Variants in MGAT5 observed in about 807,000 individuals in gnomAD.
MGAT5 encodes alpha-1,6-mannosylglycoprotein 6-beta-N-acetylglucosaminyltransferase, also known as alpha-1,6-mannosylglycoprotein 6-beta-N-acetylglucosaminyltransferase A.
A neutral mutation model predicts 94.3 loss-of-function variants in MGAT5; 30 were observed. The observed-to-expected ratio is 0.32, with a 90% CI of 0.24 to 0.43. The LOEUF is 0.43. Ranked by LOEUF, MGAT5 falls within the 20% of genes least tolerant of loss-of-function variation. MGAT5 has a pLI of 1.00. For missense variants in MGAT5, 691 were observed against 905.5 expected, an observed-to-expected ratio of 0.76 and a Z score of 3.04; for synonymous variants, 310 against 322.9, an observed-to-expected ratio of 0.96 and a Z score of 0.43.
At chr2:134,303,847 A>G (rs1010650417) in intron 2 of MGAT5, among the ~76,000 whole-genome samples, 5 of 152,162 alleles carry the variant, frequency 3.3e-5, no homozygotes, top group African/African-American at 4.8e-5. Context: ...AGCCAGTGAG[A>G]CTGTAGCCTT....
intron 1 of MGAT5, among the ~76,000 whole-genome samples, chr2:134,230,418 G>C (rs559386676): frequency 5.3e-5 from 8 of 152,314 alleles, no homozygotes; most frequent in Non-Finnish European, 2.9e-5. Context: ...ATTACAGCTA[G>C]ATAGGTGAAA....
intron 1 of MGAT5, among the ~76,000 whole-genome samples, chr2:134,146,177 A>T (rs1686909948): frequency 6.6e-6 from 1 of 152,190 alleles, no homozygotes; most frequent in Admixed American, 6.5e-5. Flanking sequence ...GAGACAAAAA[A>T]TTTAAGAAAT....
At chr2:134,202,881 GA>G (rs1004744991) in intron 1 of MGAT5, among the ~76,000 whole-genome samples, 1 of 150,398 alleles carries the variant, frequency 6.6e-6, no homozygotes, top group South Asian at 2.1e-4. Flanking sequence ...AATGTAAAAG[GA>G]AAAAAAAAGG....
At chr2:134,209,152 A>ATTTTTTTTTTTTTTTTTTTTTTTTT (rs869116395) in intron 1 of MGAT5, among the ~76,000 whole-genome samples, 3 of 20,770 alleles carry the variant, frequency 1.4e-4, no homozygotes, top group Non-Finnish European at 1.9e-4. Flanking sequence ...TTTTTTTTTT[A>ATTTTTTTTTTTTTTTTTTTTTTTTT]TTTTTTTTTT....
At chr2:134,198,732 A>C (rs906218937) in intron 1 of MGAT5, among the ~76,000 whole-genome samples, 3 of 152,176 alleles carry the variant, frequency 2.0e-5, no homozygotes, top group Non-Finnish European at 4.4e-5. Flanking sequence ...CTTTTAAGCA[A>C]ACACCTTCTC....
chr2:134,290,848 G>C (rs1573717303), intron 2 of MGAT5, among the ~76,000 whole-genome samples: 1 of 152,316 alleles, frequency 6.6e-6, no homozygotes, highest in African/African-American at 2.4e-5. Flanking sequence ...AATTCTCTCA[G>C]ATGAGCCATG....
At chr2:134,365,204 C>A (rs568613515) in intron 10 of MGAT5, among the ~76,000 whole-genome samples, 2 of 152,260 alleles carry the variant, frequency 1.3e-5, no homozygotes, top group African/African-American at 4.8e-5. Flanking sequence ...TCTGAAGATT[C>A]CTGCTGTGCC....
intron 2 of MGAT5, among the ~76,000 whole-genome samples, chr2:134,277,306 C>T (rs1684438473): frequency 6.6e-6 from 1 of 152,094 alleles, no homozygotes; most frequent in East Asian, 1.9e-4. Context: ...TATAAAGATA[C>T]TACCTGAGAC....
At chr2:134,213,954 C>T (rs1420930110) in intron 1 of MGAT5, among the ~76,000 whole-genome samples, 1 of 152,144 alleles carries the variant, frequency 6.6e-6, no homozygotes. Context: ...CTTCCCTCCC[C>T]AGAGATTTTA....
chr2:134,418,790 G>T (rs1024739744), intron 12 of MGAT5, among the ~76,000 whole-genome samples: 6 of 152,160 alleles, frequency 3.9e-5, no homozygotes, highest in Admixed American at 1.3e-4. Context: ...GACAAGTCGG[G>T]GATACCCCAA....
intron 1 of MGAT5, among the ~76,000 whole-genome samples, chr2:134,145,214 C>CTGTGTG (rs59065013): frequency 2.5e-4 from 36 of 143,868 alleles, no homozygotes; most frequent in African/African-American, 7.5e-4. Flanking sequence ...GTCTCTCTCT[C>CTGTGTG]TGTGTGTGTG....
At chr2:134,314,723 G>A (rs909014346) in intron 2 of MGAT5, among the ~76,000 whole-genome samples, 1 of 152,168 alleles carries the variant, frequency 6.6e-6, no homozygotes, top group South Asian at 2.1e-4. Context: ...CTGGGCAGAG[G>A]AAGAGTGGTG....
At chr2:134,230,835 CA>C (rs1681321273) in intron 1 of MGAT5, among the ~76,000 whole-genome samples, 1 of 152,092 alleles carries the variant, frequency 6.6e-6, no homozygotes, top group Non-Finnish European at 1.5e-5. Context: ...AACACACACA[CA>C]CACACACACA....
chr2:134,423,648 C>T (rs1002360671), intron 13 of MGAT5, among the ~76,000 whole-genome samples: 1 of 152,092 alleles, frequency 6.6e-6, no homozygotes, highest in African/African-American at 2.4e-5. Context: ...TAAGAGAAGC[C>T]GGGGTAGGCA....
chr2:134,160,174 A>G (rs1258539504), intron 1 of MGAT5, among the ~76,000 whole-genome samples: 1 of 131,482 alleles, frequency 7.6e-6, no homozygotes, highest in African/African-American at 3.7e-5. Flanking sequence ...TAATTTTTTT[A>G]TTATTATTAT....
chr2:134,403,020 A>T lies in MGAT5; in HGVS notation c.1413A>T (p.Thr471=), dbSNP rs777100879. ...AGATCTACTTGGACATTATTCACAC[A>T]TACATGGAAGTGCATGCAACTGTTT... The part of the protein sequence containing the change: ...NKKIYLDIIH[T]YMEVHATVYG... The change falls in exon 11 of 16, where the codon ACA becomes ACT. Residue 471 remains threonine (T), a synonymous_variant. Transcript: ENST00000281923. 1.1e-5 allele frequency: 18 copies of T among 1,607,210 alleles called. No individual in the cohort carries two copies. In the African/African-American group the frequency reaches 2.3e-4, roughly 20 times the overall value.
At chr2:134,325,432 C>G (rs62168051) in intron 4 of MGAT5, among the ~76,000 whole-genome samples, 25,957 of 152,022 alleles carry the variant, frequency 0.17, 2,378 homozygotes, top group Middle Eastern at 0.35. Flanking sequence ...TAACAAACTC[C>G]TGTGTGCCCG....
intron 6 of MGAT5, among the ~76,000 whole-genome samples, chr2:134,340,386 G>T (rs558621771): frequency 6.6e-6 from 1 of 152,132 alleles, no homozygotes; most frequent in Non-Finnish European, 1.5e-5. Flanking sequence ...GACTAGGATC[G>T]TGTCAAAAGA....
chr2:134,178,303 G>A (rs932381699), intron 1 of MGAT5, among the ~76,000 whole-genome samples: 2 of 152,166 alleles, frequency 1.3e-5, no homozygotes, highest in Admixed American at 1.3e-4. Context: ...TGATGAAAGA[G>A]GAGAGTTACC....
Sources: gnomAD v4.1 joint callset for allele counts (sites outside exome capture counted in the v4.1 genomes callset) on GRCh38, gnomAD v4.1.1 for gene constraint, MANE v1.5 for transcripts, NCBI Gene and HGNC (gene_info 2026-07-23, HGNC 2026-07-21) for gene names.